The following CAMK1D variants were observed in gnomAD, a reference collection of about 807,000 sequenced individuals.
CAMK1D encodes the protein calcium/calmodulin dependent protein kinase ID.
CAMK1D carries 9 observed loss-of-function variants against 47.7 expected under a neutral mutation model. The ratio of observed to expected loss-of-function variants is 0.19; its 90% CI spans 0.11 to 0.33. The LOEUF is 0.33. CAMK1D is among the 10% of genes least tolerant of loss of function. The pLI, the probability that CAMK1D is intolerant of heterozygous loss-of-function variation, is 1.00. For missense variants in CAMK1D, 291 were observed against 488.7 expected (o/e 0.60, Z 3.81); for synonymous variants, 184 against 184.9 (o/e 0.99, Z 0.04).
At chr10:12,783,304 T>G (rs1837581627) in intron 5 of CAMK1D, among the ~76,000 whole-genome samples, 1 of 152,204 alleles carries the variant, frequency 6.6e-6, no homozygotes, top group Admixed American at 6.5e-5. Flanking sequence ...GGTGCTGGAC[T>G]GTTGGCTTTT....
intron 2 of CAMK1D, among the ~76,000 whole-genome samples, chr10:12,556,053 G>A (rs2132278962): frequency 6.6e-6 from 1 of 152,288 alleles, no homozygotes; most frequent in Non-Finnish European, 1.5e-5. Flanking sequence ...TGGAGTACCT[G>A]GAAGCGTGAC....
chr10:12,829,367 A>G lies in CAMK1D; in HGVS notation c.*480A>G, dbSNP rs1164819899. The G allele has an allele frequency of 6.5e-6, 1 of 152,672 alleles. No homozygotes were observed. Among genetic ancestry groups the G allele is most frequent in the Non-Finnish European group, 1.5e-5 (1 of 68,132 alleles). 9.5% of individuals were successfully genotyped at this position (152,672 alleles called of 1,614,324 possible). On this transcript the variant is annotated 3_prime_UTR_variant, in exon 11 of 11. Coordinates refer to ENST00000619168, the MANE Select transcript of CAMK1D (RefSeq NM_153498.4). ...TGACCTATATCTTTTCCTCTTTAAT[A>G]GTAGTTTTATGTTAACCTTTAAGAG...
intron 6 of CAMK1D, among the ~76,000 whole-genome samples, chr10:12,795,165 A>G (rs1269899614): frequency 1.3e-5 from 2 of 152,022 alleles, no homozygotes; most frequent in East Asian, 3.9e-4. Flanking sequence ...GCGGGTCTAG[A>G]AGGTTGGATA....
chr10:12,357,613 G>A (rs1837556176), intron 1 of CAMK1D, among the ~76,000 whole-genome samples: 1 of 152,166 alleles, frequency 6.6e-6, no homozygotes, highest in Non-Finnish European at 1.5e-5. Flanking sequence ...ACTGCACTCG[G>A]CCATTATGTT....
At chr10:12,368,212 A>AAT (rs71384313) in intron 1 of CAMK1D, among the ~76,000 whole-genome samples, 3 of 147,964 alleles carry the variant, frequency 2.0e-5, no homozygotes, top group Non-Finnish European at 4.5e-5. Context: ...AAAAAAAAAA[A>AAT]AATAAAATAA....
intron 3 of CAMK1D, among the ~76,000 whole-genome samples, chr10:12,682,252 A>G (rs948625158): frequency 2.6e-5 from 4 of 151,980 alleles, no homozygotes; most frequent in Non-Finnish European, 5.9e-5. Flanking sequence ...AAAAAAAGTT[A>G]GTTTTGACAT....
intron 2 of CAMK1D, among the ~76,000 whole-genome samples, chr10:12,617,858 T>C (rs1436881254): frequency 1.3e-5 from 2 of 152,178 alleles, no homozygotes; most frequent in African/African-American, 2.4e-5. Flanking sequence ...GATAGAACTT[T>C]TTCCAAATGA....
intron 5 of CAMK1D, among the ~76,000 whole-genome samples, chr10:12,787,593 CTG>C (rs1564561978): frequency 6.6e-6 from 1 of 152,236 alleles, no homozygotes; most frequent in East Asian, 1.9e-4. Flanking sequence ...TGCTCAGAGG[CTG>C]TGTAAGCAGC....
At chr10:12,561,456 A>T (rs1016601501) in intron 2 of CAMK1D, among the ~76,000 whole-genome samples, 2 of 151,892 alleles carry the variant, frequency 1.3e-5, no homozygotes, top group Non-Finnish European at 2.9e-5. Context: ...GTCTTCCATA[A>T]TGATGGCCCT....
chr10:12,534,091 C>CT (rs1835891880), intron 1 of CAMK1D, among the ~76,000 whole-genome samples: 1 of 152,198 alleles, frequency 6.6e-6, no homozygotes, highest in Non-Finnish European at 1.5e-5. Context: ...GGGGACTGTA[C>CT]TTTTGTAATT....
chr10:12,778,905 G>A (rs568288993), intron 5 of CAMK1D, among the ~76,000 whole-genome samples: 10 of 152,102 alleles, frequency 6.6e-5, no homozygotes, highest in African/African-American at 2.4e-4. Flanking sequence ...GGTTCATCAA[G>A]GGTTGGAATG....
chr10:12,714,896 G>A lies in CAMK1D; in HGVS notation c.300-46052G>A, dbSNP rs182515031. On this transcript the variant is annotated intron_variant, in intron 3 of 10. Coordinates refer to ENST00000619168, the MANE Select transcript of CAMK1D (RefSeq NM_153498.4). ...TATGGGGTATATGTGATGTTTACTC[G>A]CATAGAATGTGTAATGATCAAGTAT... Among the ~76,000 whole-genome samples, 12 of 150,098 alleles carry A rather than the reference G, an allele frequency of 8.0e-5. No homozygotes were observed. The East Asian group carries it at 1.8e-3, about 22-fold the overall frequency.
chr10:12,719,833 T>G (rs1166191609), intron 3 of CAMK1D, among the ~76,000 whole-genome samples: 1 of 152,174 alleles, frequency 6.6e-6, no homozygotes, highest in Non-Finnish European at 1.5e-5. Context: ...AGAAAATAAT[T>G]GCTCATCGCA....
At chr10:12,796,597 C>T (rs1588939628) in intron 6 of CAMK1D, among the ~76,000 whole-genome samples, 1 of 152,128 alleles carries the variant, frequency 6.6e-6, no homozygotes, top group Non-Finnish European at 1.5e-5. Context: ...AGGCATCCCC[C>T]AGAGAGAATG....
intron 1 of CAMK1D, among the ~76,000 whole-genome samples, chr10:12,498,064 A>G (rs1588556381): frequency 1.3e-5 from 2 of 152,236 alleles, no homozygotes; most frequent in African/African-American, 4.8e-5. Flanking sequence ...TGAGAACAGC[A>G]TGGGAAAAAC....
At chr10:12,584,977 C>A (rs1030025575) in intron 2 of CAMK1D, among the ~76,000 whole-genome samples, 1 of 152,112 alleles carries the variant, frequency 6.6e-6, no homozygotes, top group Non-Finnish European at 1.5e-5. Context: ...CAAAAATAAG[C>A]AAGTCACATA....
intron 3 of CAMK1D, among the ~76,000 whole-genome samples, chr10:12,741,946 G>A (rs1294072129): frequency 1.3e-5 from 2 of 152,158 alleles, no homozygotes; most frequent in Non-Finnish European, 2.9e-5. Flanking sequence ...ATGTGCTAAA[G>A]GTGAGGGATT....
chr10:12,639,353 T>C (rs1275269602), intron 2 of CAMK1D, among the ~76,000 whole-genome samples: 1 of 152,028 alleles, frequency 6.6e-6, no homozygotes, highest in Non-Finnish European at 1.5e-5. Context: ...GGCATGGTGG[T>C]GGGCGCCTGT....
chr10:12,611,870 G>C (rs1260794566), intron 2 of CAMK1D, among the ~76,000 whole-genome samples: 1 of 152,160 alleles, frequency 6.6e-6, no homozygotes, highest in Non-Finnish European at 1.5e-5. Context: ...TGGGATTACA[G>C]GCGTGAGCCA....
Sources: gnomAD v4.1 joint callset for allele counts (sites outside exome capture counted in the v4.1 genomes callset) on GRCh38, gnomAD v4.1.1 for gene constraint, MANE v1.5 for transcripts, NCBI Gene and HGNC (gene_info 2026-07-23, HGNC 2026-07-21) for gene names.